The following HTR1F variants were observed in gnomAD, a reference collection of about 807,000 sequenced individuals.
HTR1F encodes 5-hydroxytryptamine (serotonin) receptor 1F, G protein-coupled.
In HTR1F, 17 loss-of-function variants were observed where a neutral mutation model predicts 24.0. That is an observed-to-expected ratio of 0.71 (90% CI 0.48 to 1.06). The LOEUF (loss-of-function observed/expected upper bound fraction) is 1.06, where lower values mean the gene tolerates loss of function less well. Among genes scored for constraint, HTR1F ranks in the 50% least tolerant of loss-of-function variants. The pLI, the probability that HTR1F is intolerant of heterozygous loss-of-function variation, is 0.00. For synonymous variants in HTR1F, 186 were observed against 156.8 expected, an observed-to-expected ratio of 1.19 and a Z score of -1.39; for missense variants, 391 against 427.8, an observed-to-expected ratio of 0.91 and a Z score of 0.76.
At chr3:87,937,737 C>T (rs1480639942) in intron 2 of HTR1F, among the ~76,000 whole-genome samples, 1 of 152,036 alleles carries the variant, frequency 6.6e-6, no homozygotes, top group Admixed American at 6.5e-5. Flanking sequence ...TCCTGGCTAA[C>T]ACAGTGAAAC....
chr3:87,916,168 T>C (rs1282274749), intron 2 of HTR1F, among the ~76,000 whole-genome samples: 3 of 151,822 alleles, frequency 2.0e-5, no homozygotes, highest in Admixed American at 1.3e-4. Flanking sequence ...GAATTCGCCA[T>C]TACCAAGCCA....
chr3:87,966,338 T>C (rs1705162377), intron 2 of HTR1F, among the ~76,000 whole-genome samples: 1 of 152,162 alleles, frequency 6.6e-6, no homozygotes, highest in Admixed American at 6.5e-5. Flanking sequence ...TGGGTAGACA[T>C]AAACAATTCA....
intron 2 of HTR1F, among the ~76,000 whole-genome samples, chr3:87,924,710 T>C (rs1377354271): frequency 6.6e-6 from 1 of 152,154 alleles, no homozygotes; most frequent in Non-Finnish European, 1.5e-5. Flanking sequence ...TCCTGGTATG[T>C]ATGGTTTCTG....
At position 87,808,674 on chromosome 3, in the gene HTR1F, C is replaced by A. The variant is rs1409449925; in HGVS notation, c.-159-13334C>A. Among the ~76,000 whole-genome samples, 3 of 151,594 alleles carry A rather than the reference C, an allele frequency of 2.0e-5. No homozygotes were observed. The East Asian group carries it at 5.8e-4, about 29-fold the overall frequency. On this transcript the variant is annotated intron_variant, in intron 1 of 2. Coordinates refer to ENST00000319595, the MANE Select transcript of HTR1F (RefSeq NM_001322209.2). Reference sequence around the variant, plus strand: ...TTATTTGGGGTTTGGTTTGTTCTTGCATTTCTAGTTCTTCAAAGTGCATTT... The same window carrying A: ...TTATTTGGGGTTTGGTTTGTTCTTGAATTTCTAGTTCTTCAAAGTGCATTT...
chr3:87,809,279 A>G (rs960167919), intron 1 of HTR1F, among the ~76,000 whole-genome samples: 7 of 151,888 alleles, frequency 4.6e-5, no homozygotes, highest in Non-Finnish European at 1.0e-4. Context: ...ATATTTAGAG[A>G]GATAGTCCAT....
intron 2 of HTR1F, among the ~76,000 whole-genome samples, chr3:87,885,692 T>C (rs1397783791): frequency 1.3e-5 from 2 of 152,066 alleles, no homozygotes; most frequent in African/African-American, 2.4e-5. Flanking sequence ...CAAACTACCA[T>C]CAGAGAATAC....
chr3:87,992,118 A>AAT lies in HTR1F; in HGVS notation c.*280_*281dup, dbSNP rs199952254. The AAT allele has an allele frequency of 7.2e-5, 16 of 221,380 alleles. No homozygotes were observed. Among genetic ancestry groups the AAT allele is most frequent in the Non-Finnish European group, 1.2e-4 (12 of 103,942 alleles). The allele number at this position is 221,380 out of a possible 1,614,324, so 13.7% of individuals were successfully genotyped here. A position where few individuals can be genotyped will look rare whatever the true frequency, so the allele number is the denominator to read the frequency against. ...TGTTCCTAAAAAGCTAACTGGAAAA[A>AAT]ATATATATATATACAATAGTAATGA... On this transcript the variant is annotated 3_prime_UTR_variant, in exon 3 of 3. Coordinates refer to ENST00000319595, the MANE Select transcript of HTR1F (RefSeq NM_001322209.2).
chr3:87,822,158 A>G (rs1458315421), intron 2 of HTR1F, among the ~76,000 whole-genome samples, 34 bp downstream of exon 2: 2 of 152,192 alleles, frequency 1.3e-5, no homozygotes, highest in African/African-American at 4.8e-5. Flanking sequence ...ATGAAGAAAA[A>G]TAAATTGACA....
At chr3:87,934,803 TAAG>T (rs777613575) in intron 2 of HTR1F, among the ~76,000 whole-genome samples, 9 of 152,308 alleles carry the variant, frequency 5.9e-5, no homozygotes, top group Admixed American at 2.6e-4. Context: ...CCTCACAGCC[TAAG>T]AAGTACGGAG....
chr3:87,923,841 T>C (rs1236723522), intron 2 of HTR1F, among the ~76,000 whole-genome samples: 2 of 152,068 alleles, frequency 1.3e-5, no homozygotes, highest in African/African-American at 4.8e-5. Context: ...TTGGGATATA[T>C]CCAATTTGAT....
chr3:87,979,924 A>AT (rs1209606363), intron 2 of HTR1F, among the ~76,000 whole-genome samples: 1 of 152,178 alleles, frequency 6.6e-6, no homozygotes, highest in African/African-American at 2.4e-5. Context: ...ATGCAGTAGC[A>AT]CCTGGAAGCA....
At chr3:87,974,298 A>C (rs182812156) in intron 2 of HTR1F, among the ~76,000 whole-genome samples, 338 of 152,330 alleles carry the variant, frequency 2.2e-3, no homozygotes, top group Admixed American at 5.0e-3. Flanking sequence ...AGAATATTTT[A>C]AAATCCGCCA....
intron 1 of HTR1F, among the ~76,000 whole-genome samples, chr3:87,808,030 T>C (rs1300192603): frequency 6.6e-6 from 1 of 152,032 alleles, no homozygotes; most frequent in African/African-American, 2.4e-5. Context: ...GCTAGTATTT[T>C]TTTGAGAATT....
At chr3:87,824,852 G>A (rs550003777) in intron 2 of HTR1F, among the ~76,000 whole-genome samples, 1 of 152,096 alleles carries the variant, frequency 6.6e-6, no homozygotes, top group African/African-American at 2.4e-5. Context: ...AATTCTATAA[G>A]TATGAAAGCT....
intron 2 of HTR1F, among the ~76,000 whole-genome samples, chr3:87,868,593 C>T (rs758815608): frequency 6.6e-6 from 1 of 151,308 alleles, no homozygotes; most frequent in Non-Finnish European, 1.5e-5. Flanking sequence ...ATTTTCAAAA[C>T]TTCAGGAAAA....
In HTR1F at chr3:87,987,832, A is replaced by G. The variant is rs1016037058; in HGVS notation, c.-42-2876A>G. 1.2e-4 allele frequency among the ~76,000 whole-genome samples: 17 copies of G among 144,868 alleles called. No homozygotes were observed. The East Asian group carries it at 1.2e-3, about 10-fold the overall frequency. On this transcript the variant is annotated intron_variant, in intron 2 of 2. Transcript: ENST00000319595. ...TATATATGTATTATATATATATAAAATATATGTATTATATGTATATATGTA... is the reference window on the plus strand; with the variant it reads ...TATATATGTATTATATATATATAAAGTATATGTATTATATGTATATATGTA...
At chr3:87,892,759 C>CT (rs906523624) in intron 2 of HTR1F, among the ~76,000 whole-genome samples, 3 of 150,230 alleles carry the variant, frequency 2.0e-5, no homozygotes, top group East Asian at 1.9e-4. Flanking sequence ...CCTTTTGGGG[C>CT]TTTTTTTTTA....
intron 2 of HTR1F, among the ~76,000 whole-genome samples, chr3:87,971,811 G>T (rs539021190): frequency 6.6e-6 from 1 of 152,174 alleles, no homozygotes; most frequent in Admixed American, 6.5e-5. Flanking sequence ...ATATGTTTTG[G>T]AAATTCTTTC....
chr3:87,957,945 A>G (rs1209587804), intron 2 of HTR1F, among the ~76,000 whole-genome samples: 3 of 149,824 alleles, frequency 2.0e-5, no homozygotes, highest in Non-Finnish European at 4.5e-5. Context: ...TTCTACTTGG[A>G]TTTAGTTTGC....
Sources: gnomAD v4.1 joint callset for allele counts (sites outside exome capture counted in the v4.1 genomes callset) on GRCh38, gnomAD v4.1.1 for gene constraint, MANE v1.5 for transcripts, NCBI Gene and HGNC (gene_info 2026-07-23, HGNC 2026-07-21) for gene names.